The following SLC22A24 variants were observed in gnomAD, a reference collection of about 807,000 sequenced individuals.
The protein encoded by SLC22A24 is solute carrier family 22 member 24.
SLC22A24 carries 53 observed loss-of-function variants against 49.8 expected under a neutral mutation model. The ratio of observed to expected loss-of-function variants is 1.06; its 90% confidence interval spans 0.85 to 1.34. The LOEUF is 1.34. Ranked by LOEUF, SLC22A24 falls within the 40% of genes most tolerant of loss-of-function variation. The pLI is 0.00. For synonymous variants in SLC22A24, 302 were observed against 256.4 expected (o/e 1.18, Z -1.70); for missense variants, 786 against 675.9 (o/e 1.16, Z -1.81).
intron 2 of SLC22A24, among the ~76,000 whole-genome samples, chr11:63,121,868 CTA>C (rs2087254964): frequency 6.6e-6 from 1 of 151,984 alleles, no homozygotes; most frequent in African/African-American, 2.4e-5. Context: ...CAATTCCCAC[CTA>C]TGAGTGAGAA....
At chr11:63,113,651 C>G (rs989473766) in intron 4 of SLC22A24, among the ~76,000 whole-genome samples, 4 of 151,856 alleles carry the variant, frequency 2.6e-5, no homozygotes, top group African/African-American at 9.7e-5. Context: ...GTCAGGGGAT[C>G]GAGAACATCC....
At chr11:63,107,203 T>G (rs746849625) in intron 4 of SLC22A24, among the ~76,000 whole-genome samples, 11 of 152,178 alleles carry the variant, frequency 7.2e-5, no homozygotes, top group Non-Finnish European at 1.2e-4. Flanking sequence ...TTTCCCCATT[T>G]CTTGTTTTTG....
intron 4 of SLC22A24, among the ~76,000 whole-genome samples, chr11:63,106,103 C>T (rs1327280431): frequency 1.5e-5 from 2 of 136,106 alleles, no homozygotes; most frequent in African/African-American, 2.8e-5. Context: ...CACAACAGTC[C>T]CCGGTGTGTG....
At chr11:63,082,416 A>C (rs1258226369) in intron 7 of SLC22A24, among the ~76,000 whole-genome samples, 8 of 152,260 alleles carry the variant, frequency 5.3e-5, no homozygotes, top group Non-Finnish European at 2.9e-5. Flanking sequence ...TATAAGGCAG[A>C]AAACTTACAC....
intron 6 of SLC22A24, among the ~76,000 whole-genome samples, chr11:63,092,530 A>ATGG (rs1406046560): frequency 9.9e-6 from 1 of 101,278 alleles, no homozygotes; most frequent in African/African-American, 3.1e-5. Flanking sequence ...CCAAAACAGC[A>ATGG]TAACACCGCA....
At chr11:63,118,700 C>T (rs1250536152) in intron 4 of SLC22A24, 9 of 534,332 alleles carry the variant, frequency 1.7e-5, no homozygotes, top group Non-Finnish European at 2.0e-5. Flanking sequence ...CATGATAATT[C>T]CATGTCTAAA....
At chr11:63,119,914 G>A (rs1432276897) in intron 2 of SLC22A24, among the ~76,000 whole-genome samples, 1 of 151,978 alleles carries the variant, frequency 6.6e-6, no homozygotes, top group Non-Finnish European at 1.5e-5. Context: ...CTGCATAAAT[G>A]TCTTCTTTTG....
At chr11:63,081,189 A>G in intron 8 of SLC22A24, 66 bp from the exon 9 acceptor site, 1 of 1,363,684 alleles carries the variant, frequency 7.3e-7, no homozygotes, top group Non-Finnish European at 1.0e-6. Flanking sequence ...CTTTATCATC[A>G]TTATTTCTTT....
rs1465968401 is a variant in SLC22A24, at chr11:63,081,594, G to A, written c.1358C>T (p.Ser453Phe). The change falls in exon 8 of 10, where the codon TCT (serine) becomes TTT (phenylalanine). Residue 453 changes from serine to phenylalanine, a missense_variant. Coordinates refer to ENST00000612278, the MANE Select transcript of SLC22A24 (RefSeq NM_001136506.2). ...GGGGACGAGCTCGTTGTGGTGGACA[G>A]AAGCACTGTTGCTAGCAGCAGAAAC... ...GSVSAASNSASVHHNELVPTI... is the reference protein window; with the variant it reads ...GSVSAASNSAFVHHNELVPTI... 6.4e-7 allele frequency: 1 copy of A among 1,551,494 alleles called. No homozygotes were observed. The highest frequency in any genetic ancestry group is 1.4e-5 in the African/African-American group (1 of 73,044).
At chr11:63,080,622 G>A (rs1465636148) in intron 9 of SLC22A24, among the ~76,000 whole-genome samples, 1 of 152,206 alleles carries the variant, frequency 6.6e-6, no homozygotes, top group African/African-American at 2.4e-5. Context: ...ACAGGAGTGT[G>A]TGTTTCCCAC....
chr11:63,081,074 G>C lies in SLC22A24; in HGVS notation c.1444C>G (p.Leu482Val), dbSNP rs1342148082. The part of the protein sequence containing the change: ...NAVSGRTGAA[L>V]APLLMTLMAY... ...ATTAAGGTCATCAACAGAGGAGCCA[G>C]TGCTGCCCCAGTCCTACCGGACACT... Residue 482 changes from leucine (L) to valine (V), a missense_variant, in exon 9 of 10, where the codon CTG becomes GTG. Transcript: ENST00000612278. 16 of 1,551,582 alleles carry C rather than the reference G, an allele frequency of 1.0e-5. No individual in the cohort carries two copies. Among genetic ancestry groups the C allele is most frequent in the Non-Finnish European group, 1.4e-5 (16 of 1,146,950 alleles).
chr11:63,127,484 G>A (rs1029441369), intron 2 of SLC22A24, among the ~76,000 whole-genome samples: 2 of 152,110 alleles, frequency 1.3e-5, no homozygotes, highest in East Asian at 3.9e-4. Flanking sequence ...AATCCTTTGG[G>A]TATATACCCA....
At chr11:63,084,228 C>T (rs2086975115) in intron 6 of SLC22A24, among the ~76,000 whole-genome samples, 2 of 152,142 alleles carry the variant, frequency 1.3e-5, no homozygotes, top group Admixed American at 6.6e-5. Flanking sequence ...AGTGGCCTGA[C>T]ATTTCTAAGC....
At chr11:63,104,919 T>C (rs1452462108) in intron 4 of SLC22A24, among the ~76,000 whole-genome samples, 2 of 152,196 alleles carry the variant, frequency 1.3e-5, no homozygotes, top group African/African-American at 2.4e-5. Context: ...AAGTCTCTTC[T>C]GAGACAAGGC....
intron 6 of SLC22A24, among the ~76,000 whole-genome samples, chr11:63,087,022 G>GCA (rs150730400): frequency 0.044 from 539 of 12,136 alleles, 4 homozygotes; most frequent in African/African-American, 0.077. Flanking sequence ...TGCCTGGAGG[G>GCA]CGCACACACA....
chr11:63,088,371 A>ACAACATCAACATCAACATTAACAT (rs2086999860), intron 6 of SLC22A24, among the ~76,000 whole-genome samples: 1 of 151,016 alleles, frequency 6.6e-6, no homozygotes. Flanking sequence ...ACAGAAAGCT[A>ACAACATCAACATCAACATTAACAT]CAACATCAAC....
At chr11:63,132,575 CCACTCCCGA>C (rs1460147010) in intron 2 of SLC22A24, among the ~76,000 whole-genome samples, 1 of 152,204 alleles carries the variant, frequency 6.6e-6, no homozygotes, top group Non-Finnish European at 1.5e-5. Flanking sequence ...TGCTGGAGGT[CCACTCCCGA>C]CACTCTTTGC....
intron 6 of SLC22A24, 44 bp from the exon 7 acceptor site, chr11:63,083,501 A>C: frequency 6.9e-7 from 1 of 1,442,194 alleles, no homozygotes; most frequent in Non-Finnish European, 9.4e-7. Flanking sequence ...ATAAGATTTA[A>C]AGCCTAGGAA....
chr11:63,108,184 G>C (rs1461059144), intron 4 of SLC22A24, among the ~76,000 whole-genome samples: 1 of 152,140 alleles, frequency 6.6e-6, no homozygotes, highest in East Asian at 1.9e-4. Context: ...TGCATCTATT[G>C]AGATAATCAT....
Sources: gnomAD v4.1 joint callset for allele counts (sites outside exome capture counted in the v4.1 genomes callset) on GRCh38, gnomAD v4.1.1 for gene constraint, MANE v1.5 for transcripts, NCBI Gene and HGNC (gene_info 2026-07-23, HGNC 2026-07-21) for gene names.